LYN: variants seen among roughly 807,000 people sequenced by gnomAD.
LYN encodes the protein LYN proto-oncogene, Src family tyrosine kinase, also known as tyrosine-protein kinase Lyn.
A neutral mutation model predicts 65.0 loss-of-function variants in LYN; 12 were observed. The ratio of observed to expected loss-of-function variants is 0.18; its 90% CI spans 0.12 to 0.30. The LOEUF (loss-of-function observed/expected upper bound fraction) is 0.30. LYN is among the 10% of genes least tolerant of loss of function. The pLI is 1.00. For synonymous variants in LYN, 222 were observed against 221.2 expected (o/e 1.00, Z -0.03); for missense variants, 380 against 623.2 (o/e 0.61, Z 4.16).
At chr8:55,881,709 T>G (rs180944184) in intron 1 of LYN, among the ~76,000 whole-genome samples, 4 of 152,326 alleles carry the variant, frequency 2.6e-5, no homozygotes, top group Admixed American at 2.6e-4. Context: ...TGCTGTGATT[T>G]GGGATAAGCC....
At chr8:55,940,739 T>A (rs575581008) in intron 1 of LYN, among the ~76,000 whole-genome samples, 16 of 152,320 alleles carry the variant, frequency 1.1e-4, no homozygotes, top group African/African-American at 3.6e-4. Context: ...GATTCAAATG[T>A]TCAAAATCAC....
At chr8:55,905,176 T>C (rs1233722490) in intron 1 of LYN, among the ~76,000 whole-genome samples, 3 of 152,278 alleles carry the variant, frequency 2.0e-5, no homozygotes, top group Admixed American at 2.0e-4. Context: ...TTTGGGAGGC[T>C]GAGGCAGGCG....
At chr8:55,908,189 G>A (rs28684661) in intron 1 of LYN, among the ~76,000 whole-genome samples, 18,462 of 151,722 alleles carry the variant, frequency 0.12, 1,507 homozygotes, top group Middle Eastern at 0.28. Context: ...GGTGATAAGG[G>A]CATCAATTCC....
At chr8:55,989,463 C>T (rs188200807) in intron 10 of LYN, among the ~76,000 whole-genome samples, 7 of 152,238 alleles carry the variant, frequency 4.6e-5, no homozygotes, top group East Asian at 1.9e-4. Context: ...GACACAAAAC[C>T]GCAGTGCCTC....
intron 1 of LYN, among the ~76,000 whole-genome samples, chr8:55,925,494 G>T (rs1806081836): frequency 6.6e-6 from 1 of 152,110 alleles, no homozygotes; most frequent in Non-Finnish European, 1.5e-5. Context: ...TCAAATTATT[G>T]CCTGGCTTTT....
chr8:55,975,753 G>A (rs922833517), intron 10 of LYN, among the ~76,000 whole-genome samples: 2 of 138,478 alleles, frequency 1.4e-5, no homozygotes, highest in African/African-American at 5.4e-5. Flanking sequence ...TTCTGAAAAA[G>A]CCAAAGGAAT....
chr8:56,001,879 G>T (rs1278142236), intron 12 of LYN, among the ~76,000 whole-genome samples: 1 of 152,164 alleles, frequency 6.6e-6, no homozygotes, highest in East Asian at 1.9e-4. Context: ...GCCCCTCGCT[G>T]GTGGCAAAGC....
intron 1 of LYN, among the ~76,000 whole-genome samples, chr8:55,887,593 C>T (rs958196671): frequency 2.7e-5 from 3 of 110,126 alleles, no homozygotes; most frequent in Non-Finnish European, 5.6e-5. Flanking sequence ...CACACACACA[C>T]ACACACACAC....
chr8:55,982,417 G>A (rs1007394206), intron 10 of LYN, among the ~76,000 whole-genome samples: 1 of 152,182 alleles, frequency 6.6e-6, no homozygotes, highest in Non-Finnish European at 1.5e-5. Flanking sequence ...TTTGGATTAG[G>A]TATGTTCAAC....
At chr8:55,899,814 T>A (rs1422091059) in intron 1 of LYN, among the ~76,000 whole-genome samples, 1 of 152,128 alleles carries the variant, frequency 6.6e-6, no homozygotes, top group African/African-American at 2.4e-5. Flanking sequence ...CATGCCCAGA[T>A]AATTTTTTGT....
chr8:55,880,293 C>A (rs1290507910), intron 1 of LYN, among the ~76,000 whole-genome samples, 190 bp downstream of exon 1: 3 of 151,966 alleles, frequency 2.0e-5, no homozygotes, highest in Non-Finnish European at 2.9e-5. Context: ...TAGATGTCTT[C>A]AGCCGACGGG....
At chr8:55,920,996 C>T (rs1563511326) in intron 1 of LYN, among the ~76,000 whole-genome samples, 1 of 152,098 alleles carries the variant, frequency 6.6e-6, no homozygotes, top group Admixed American at 6.5e-5. Context: ...CGCACCCAGC[C>T]AGGAAGATTT....
In LYN at chr8:55,947,679, C is replaced by T. The variant is rs756879423; in HGVS notation, c.240C>T (p.Asp80=). 21 of 1,613,840 alleles carry T rather than the reference C, an allele frequency of 1.3e-5. No homozygotes were observed. Among genetic ancestry groups the T allele is most frequent in the African/African-American group, 1.1e-4 (8 of 74,908 alleles). Residue 80 remains aspartate, a synonymous_variant, in exon 4 of 13, where the codon GAC becomes GAT. Transcript: ENST00000519728. ...ACCCCTATGATGGCATCCACCCGGA[C>T]GACTTGTCTTTCAAGAAAGGAGAGA... ...ALYPYDGIHP[D]DLSFKKGEKM...
At chr8:55,937,145 T>C (rs1806459411) in intron 1 of LYN, among the ~76,000 whole-genome samples, 1 of 152,254 alleles carries the variant, frequency 6.6e-6, no homozygotes, top group South Asian at 2.1e-4. Context: ...GTATAGTGTC[T>C]TCTTTAGGAA....
At chr8:55,965,404 G>A (rs1232376144) in intron 8 of LYN, among the ~76,000 whole-genome samples, 3 of 152,164 alleles carry the variant, frequency 2.0e-5, no homozygotes, top group Non-Finnish European at 4.4e-5. Context: ...TGTCCTTTTA[G>A]TGGGGGATCC....
intron 10 of LYN, among the ~76,000 whole-genome samples, chr8:55,987,843 G>C (rs1174988892): frequency 4.6e-5 from 7 of 152,176 alleles, no homozygotes; most frequent in Non-Finnish European, 1.0e-4. Context: ...ACCTCTCCAA[G>C]ACTCAGCTTC....
chr8:56,005,155 AC>A (rs778166548), intron 12 of LYN, among the ~76,000 whole-genome samples: 5 of 152,210 alleles, frequency 3.3e-5, no homozygotes, highest in Non-Finnish European at 5.9e-5. Context: ...ATTCCCAGCC[AC>A]ACAATTCTCT....
intron 2 of LYN, among the ~76,000 whole-genome samples, chr8:55,945,488 T>C (rs577586099): frequency 6.6e-6 from 1 of 152,234 alleles, no homozygotes; most frequent in Non-Finnish European, 1.5e-5. Flanking sequence ...ATGGAGATTT[T>C]ATGGGCTTTC....
At chr8:55,990,648 G>T (rs1287660298) in intron 10 of LYN, among the ~76,000 whole-genome samples, 1 of 152,136 alleles carries the variant, frequency 6.6e-6, no homozygotes, top group East Asian at 1.9e-4. Context: ...GTTGGAATTT[G>T]GTATCTTATT....
Sources: allele counts gnomAD v4.1 joint callset (sites outside exome capture counted in the v4.1 genomes callset), GRCh38; gene constraint gnomAD v4.1.1; transcripts MANE v1.5; gene names NCBI Gene and HGNC (gene_info 2026-07-23, HGNC 2026-07-21).